RUNX1T1: variants seen among roughly 807,000 people sequenced by gnomAD.
RUNX1T1 encodes the protein RUNX1 partner transcriptional co-repressor 1.
A neutral mutation model predicts 62.8 loss-of-function variants in RUNX1T1; 4 were observed. The ratio of observed to expected loss-of-function variants is 0.06; its 90% CI spans 0.03 to 0.15. The LOEUF is 0.15. RUNX1T1 is among the 10% of genes least tolerant of loss of function. The pLI is 1.00. For synonymous variants in RUNX1T1, 291 were observed against 286.0 expected, an observed-to-expected ratio of 1.02 and a Z score of -0.18; for missense variants, 508 against 754.3, an observed-to-expected ratio of 0.67 and a Z score of 3.82.
At chr8:91,959,854 T>C (rs1810060908) in exon 11 of RUNX1T1, 1 of 297,216 alleles carries the variant, frequency 3.4e-6, no homozygotes, top group African/African-American at 2.1e-5. Context: ...TTAGCATTTT[T>C]GCTTTCAACA....
At chr8:92,031,358 T>C (rs1162108256) in intron 1 of RUNX1T1, among the ~76,000 whole-genome samples, 9 of 152,234 alleles carry the variant, frequency 5.9e-5, no homozygotes, top group Admixed American at 5.9e-4. Flanking sequence ...GATTTTTTTC[T>C]AGAATTTTAC....
chr8:92,056,087 T>C (rs766829384), intron 1 of RUNX1T1, among the ~76,000 whole-genome samples: 8 of 152,232 alleles, frequency 5.3e-5, no homozygotes, highest in Non-Finnish European at 8.8e-5. Flanking sequence ...CAAATTTTAC[T>C]ATGTATTTTC....
rs113924964 is a variant in RUNX1T1 at position 91,978,086 on chromosome 8, AT to A, written c.1199-2114del. Among the ~76,000 whole-genome samples the A allele has an allele frequency of 5.8e-3, 866 of 150,296 alleles. 8 individuals carry two copies. Among genetic ancestry groups the A allele is most frequent in the Non-Finnish European group, 8.7e-3 (588 of 67,444 alleles). Reference sequence around the variant, plus strand: ...GAGCCACCATGCCCAGCCTATAAACATTTTTTTTTTATTAAATAGTCAATCA... The same window carrying A: ...GAGCCACCATGCCCAGCCTATAAACATTTTTTTTTATTAAATAGTCAATCA... On this transcript the variant is annotated intron_variant, in intron 8 of 10. Transcript: ENST00000396218.
chr8:91,974,672 T>A (rs1161919434), intron 9 of RUNX1T1, among the ~76,000 whole-genome samples: 1 of 152,184 alleles, frequency 6.6e-6, no homozygotes, highest in Admixed American at 6.5e-5. Context: ...ACTACATGAC[T>A]ATTACAGTAA....
chr8:92,061,108 A>G (rs1831965183), intron 1 of RUNX1T1, among the ~76,000 whole-genome samples: 1 of 152,258 alleles, frequency 6.6e-6, no homozygotes. Flanking sequence ...ATTAGCTAGA[A>G]GTAGCAAGGG....
chr8:91,975,794 C>T (rs1426685516), intron 9 of RUNX1T1, 111 bp downstream of exon 10: 60 of 675,704 alleles, frequency 8.9e-5, no homozygotes, highest in Non-Finnish European at 1.6e-4. Context: ...TTTGTTTTTG[C>T]TGTTGTTGTT....
chr8:91,986,800 G>A, intron 7 of RUNX1T1, 87 bp downstream of exon 8: 2 of 872,810 alleles, frequency 2.3e-6, no homozygotes, highest in Non-Finnish European at 3.9e-6. Context: ...GCCTTCAAAG[G>A]ATCACCAAGC....
At chr8:91,986,562 G>A (rs1235959477) in intron 7 of RUNX1T1, among the ~76,000 whole-genome samples, 4 of 152,070 alleles carry the variant, frequency 2.6e-5, no homozygotes, top group African/African-American at 9.7e-5. Context: ...TCACCTGAAG[G>A]CATTATAGCC....
chr8:92,012,053 C>T (rs1046199124), intron 3 of RUNX1T1, among the ~76,000 whole-genome samples: 5 of 152,120 alleles, frequency 3.3e-5, no homozygotes, highest in Non-Finnish European at 7.4e-5. Context: ...AATATTGCTC[C>T]ACCCACTTTT....
At chr8:92,041,493 C>G (rs906159353) in intron 1 of RUNX1T1, among the ~76,000 whole-genome samples, 1 of 152,192 alleles carries the variant, frequency 6.6e-6, no homozygotes, top group African/African-American at 2.4e-5. Flanking sequence ...GTAATCCCAA[C>G]AATTTGGGAG....
At chr8:92,076,845 C>T (rs1479100525) in intron 1 of RUNX1T1, among the ~76,000 whole-genome samples, 3 of 151,990 alleles carry the variant, frequency 2.0e-5, no homozygotes, top group African/African-American at 7.2e-5. Context: ...GTCTATTCCT[C>T]ACCTACTATG....
In RUNX1T1 at chr8:92,005,024, G is replaced by T. The variant is rs150603368; in HGVS notation, c.659+92C>A. The T allele has an allele frequency of 4.3e-5, 47 of 1,103,540 alleles. No homozygotes were observed. In the East Asian group the frequency reaches 1.0e-3, roughly 25 times the overall value. The allele number at this position is 1,103,540 out of a possible 1,614,324, so 68.4% of individuals were successfully genotyped here. Reference sequence around the variant, plus strand: ...ATTGCTATTGTGCAAGAATGACATAGGCCAGCGGTTTAATTGTGACATGAA... The same window carrying T: ...ATTGCTATTGTGCAAGAATGACATATGCCAGCGGTTTAATTGTGACATGAA... On this transcript the variant is annotated intron_variant, in intron 5 of 10. Coordinates refer to ENST00000396218, the Ensembl canonical transcript of RUNX1T1.
intron 1 of RUNX1T1, among the ~76,000 whole-genome samples, chr8:92,026,691 G>A (rs1825222655): frequency 1.3e-5 from 2 of 151,922 alleles, no homozygotes; most frequent in South Asian, 2.1e-4. Context: ...GCCTGGTGGC[G>A]GGCGCCTGTA....
At chr8:91,981,672 C>T (rs1264774334) in intron 8 of RUNX1T1, among the ~76,000 whole-genome samples, 1 of 151,966 alleles carries the variant, frequency 6.6e-6, no homozygotes, top group Non-Finnish European at 1.5e-5. Context: ...GCCTCGGCCT[C>T]CCCAAGTGCT....
intron 1 of RUNX1T1, among the ~76,000 whole-genome samples, chr8:92,027,126 A>G (rs1394455719): frequency 6.7e-6 from 1 of 148,604 alleles, no homozygotes; most frequent in Non-Finnish European, 1.5e-5. Context: ...AAAAAAAAAA[A>G]AAAAAAAAGA....
At chr8:91,957,087 G>A (rs896392458), downstream of RUNX1T1, 2 of 217,594 alleles carry the variant, frequency 9.2e-6, no homozygotes, top group Admixed American at 5.8e-5. Context: ...GCTAGAGGAC[G>A]CCCTATTCCT....
intron 8 of RUNX1T1, among the ~76,000 whole-genome samples, chr8:91,984,559 G>A (rs754879516): frequency 7.2e-5 from 11 of 152,130 alleles, no homozygotes; most frequent in Admixed American, 1.3e-4. Flanking sequence ...CACATAGTAA[G>A]TGCTCAATAA....
intron 1 of RUNX1T1, among the ~76,000 whole-genome samples, chr8:92,049,966 C>T (rs541286867): frequency 3.3e-5 from 5 of 152,198 alleles, no homozygotes; most frequent in African/African-American, 1.2e-4. Flanking sequence ...AACTATGCAA[C>T]TAATAAGGTT....
chr8:92,066,811 A>G (rs887489168), upstream of RUNX1T1, among the ~76,000 whole-genome samples: 2 of 152,262 alleles, frequency 1.3e-5, no homozygotes, highest in African/African-American at 4.8e-5. Context: ...ACCACAAGAA[A>G]TAAGTGGGAT....
Sources: gnomAD v4.1 joint callset for allele counts (sites outside exome capture counted in the v4.1 genomes callset) on GRCh38, gnomAD v4.1.1 for gene constraint, MANE v1.5 for transcripts, NCBI Gene and HGNC (gene_info 2026-07-23, HGNC 2026-07-21) for gene names.